PPP1R14C: variants seen among roughly 807,000 people sequenced by gnomAD.
The protein encoded by PPP1R14C is protein phosphatase 1 regulatory inhibitor subunit 14C.
PPP1R14C carries 16 observed loss-of-function variants against 20.4 expected under a neutral mutation model. The observed-to-expected ratio is 0.78, with a 90% CI of 0.53 to 1.19. The LOEUF is 1.19. PPP1R14C is among the 50% of genes most tolerant of loss of function. The pLI is 0.00. For synonymous variants in PPP1R14C, 91 were observed against 91.0 expected (o/e 1.00, Z 0.00); for missense variants, 211 against 220.1 (o/e 0.96, Z 0.26).
At chr6:150,174,801 G>A (rs9479833) in intron 1 of PPP1R14C, among the ~76,000 whole-genome samples, 93,971 of 150,918 alleles carry the variant, frequency 0.62, 29,872 homozygotes, top group African/African-American at 0.72. Context: ...CATCTCTACT[G>A]AAAATACACA....
At chr6:150,174,626 C>T (rs62440055) in intron 1 of PPP1R14C, among the ~76,000 whole-genome samples, 50,099 of 151,772 alleles carry the variant, frequency 0.33, 9,038 homozygotes, top group East Asian at 0.63. Flanking sequence ...CAGTGTTCAA[C>T]GGTGTGTTTT....
chr6:150,195,840 G>A (rs1229564053), intron 1 of PPP1R14C: 1 of 985,086 alleles, frequency 1.0e-6, no homozygotes, highest in African/African-American at 1.7e-5. Flanking sequence ...AATATGCCTA[G>A]GACCACAGAG....
chr6:150,186,655 AG>A (rs748785076), intron 1 of PPP1R14C, among the ~76,000 whole-genome samples: 117 of 152,146 alleles, frequency 7.7e-4, no homozygotes, highest in Non-Finnish European at 1.3e-3. Context: ...GCCAACCAAC[AG>A]TGTTTGCTAG....
chr6:150,208,833 A>G (rs114935677), intron 1 of PPP1R14C, among the ~76,000 whole-genome samples: 1 of 152,294 alleles, frequency 6.6e-6, no homozygotes, highest in African/African-American at 2.4e-5. Flanking sequence ...AGCCCGGCAC[A>G]GCGTGGTTAT....
chr6:150,202,867 T>G (rs1214146350), intron 1 of PPP1R14C, among the ~76,000 whole-genome samples: 1 of 152,258 alleles, frequency 6.6e-6, no homozygotes, highest in Non-Finnish European at 1.5e-5. Context: ...AATCACTTAA[T>G]TTTTTAAAAG....
At chr6:150,192,798 G>A (rs1259910445) in intron 1 of PPP1R14C, among the ~76,000 whole-genome samples, 3 of 152,188 alleles carry the variant, frequency 2.0e-5, no homozygotes, top group African/African-American at 7.2e-5. Context: ...GGACTGGGCT[G>A]GTTTTCCACG....
At position 150,197,920 on chromosome 6, in the gene PPP1R14C, G is replaced by A. The variant is rs573017552; in HGVS notation, c.307-16824G>A. 9.2e-5 allele frequency among the ~76,000 whole-genome samples: 11 copies of A among 119,768 alleles called. 2 individuals carry two copies. The highest frequency in any genetic ancestry group is 3.7e-4 in the African/African-American group (10 of 27,372). 78.6% of individuals were successfully genotyped at this position (119,768 alleles called of 152,430 possible). A position where few individuals can be genotyped will look rare whatever the true frequency, so the allele number is the denominator to read the frequency against. ...AGCTTTGTGTGCCCCTGCCTGCCAC[G>A]GTGGAGGAGGGCCTGGATGCCCGGC... is the stretch of plus-strand genomic sequence containing the variant. On this transcript the variant is annotated intron_variant, in intron 1 of 3. Transcript: ENST00000361131.
At chr6:150,189,218 CT>C (rs66539421) in intron 1 of PPP1R14C, among the ~76,000 whole-genome samples, 28,583 of 152,010 alleles carry the variant, frequency 0.19, 4,112 homozygotes, top group African/African-American at 0.41. Context: ...CTTGTAAGTT[CT>C]TTTTTCTGGA....
intron 1 of PPP1R14C, among the ~76,000 whole-genome samples, chr6:150,193,994 C>G (rs1447645875): frequency 2.6e-5 from 4 of 152,038 alleles, no homozygotes; most frequent in Non-Finnish European, 5.9e-5. Context: ...GGGCGGTTTC[C>G]CTGATACTGT....
At chr6:150,154,162 C>T (rs542620478) in intron 1 of PPP1R14C, among the ~76,000 whole-genome samples, 3 of 152,298 alleles carry the variant, frequency 2.0e-5, no homozygotes, top group Admixed American at 2.0e-4. Flanking sequence ...AATTCACTGA[C>T]ATTAGATTGC....
intron 1 of PPP1R14C, among the ~76,000 whole-genome samples, chr6:150,144,131 G>A (rs986257468): frequency 2.6e-5 from 4 of 152,220 alleles, no homozygotes; most frequent in South Asian, 2.1e-4. Context: ...TGTTGAAGCC[G>A]TAGTTTTTCC....
At chr6:150,194,771 TG>T (rs1444732353) in intron 1 of PPP1R14C, 50 of 985,306 alleles carry the variant, frequency 5.1e-5, no homozygotes, top group Non-Finnish European at 5.8e-5. Context: ...GACCCTGTTT[TG>T]TTTGACCACT....
chr6:150,233,036 G>A (rs1778312010), intron 3 of PPP1R14C, among the ~76,000 whole-genome samples: 1 of 152,200 alleles, frequency 6.6e-6, no homozygotes. Flanking sequence ...ATTTGAGACT[G>A]ATCTGCCCAT....
chr6:150,185,863 T>C lies in PPP1R14C; in HGVS notation c.307-28881T>C, dbSNP rs942316483. Among the ~76,000 whole-genome samples the C allele has an allele frequency of 5.3e-5, 8 of 152,132 alleles. No homozygotes were observed. The highest frequency in any genetic ancestry group is 8.8e-5 in the Non-Finnish European group (6 of 68,022). ...GCTGCTGAGGCTCTGTGTAGACACA[T>C]GTGGCCATGACTAGCAAGGCAGGCA... On this transcript the variant is annotated intron_variant, in intron 1 of 3. Coordinates refer to ENST00000361131, the MANE Select transcript of PPP1R14C (RefSeq NM_030949.3). This position sits in a 1 kb window ranked among gnomAD's most constrained non-coding sequence, Gnocchi z 4.1.
intron 1 of PPP1R14C, among the ~76,000 whole-genome samples, chr6:150,197,083 C>T (rs1777813584): frequency 6.6e-6 from 1 of 152,204 alleles, no homozygotes; most frequent in Non-Finnish European, 1.5e-5. Flanking sequence ...CTGCTTGCTG[C>T]ACCTCTATAG....
chr6:150,234,848 CAAAAAAAAAAAAA>C (rs56139981), intron 3 of PPP1R14C, among the ~76,000 whole-genome samples: 573 of 41,880 alleles, frequency 0.014, 19 homozygotes, highest in African/African-American at 0.054. Context: ...GACTCTGTCT[CAAAAAAAAAAAAA>C]AAAAAAAAAA....
intron 1 of PPP1R14C, among the ~76,000 whole-genome samples, chr6:150,159,313 T>G (rs951723157): frequency 1.3e-5 from 2 of 152,244 alleles, no homozygotes; most frequent in African/African-American, 4.8e-5. Flanking sequence ...CAGCCAGATT[T>G]GACAGAGAGA....
chr6:150,228,834 T>C (rs570996030), intron 3 of PPP1R14C, among the ~76,000 whole-genome samples: 2 of 152,050 alleles, frequency 1.3e-5, no homozygotes, highest in African/African-American at 2.4e-5. Flanking sequence ...ATAATAATAA[T>C]AGTGATCAGA....
chr6:150,236,327 C>T (rs1358365373), intron 3 of PPP1R14C, among the ~76,000 whole-genome samples: 3 of 150,598 alleles, frequency 2.0e-5, no homozygotes, highest in Admixed American at 6.6e-5. Flanking sequence ...CGCGAGAGCA[C>T]GGTACTGTGC....
Sources: gnomAD v4.1 joint callset for allele counts (sites outside exome capture counted in the v4.1 genomes callset) on GRCh38, gnomAD v4.1.1 for gene constraint, Gnocchi (gnomAD v3.1) non-coding constraint, MANE v1.5 for transcripts, NCBI Gene and HGNC (gene_info 2026-07-23, HGNC 2026-07-21) for gene names.